Variants in PPL observed in about 807,000 individuals in gnomAD.
PPL encodes 190 kDa paraneoplastic pemphigus antigen.
A neutral mutation model predicts 194.4 loss-of-function variants in PPL; 198 were observed. The ratio of observed to expected loss-of-function variants is 1.02; its 90% CI spans 0.91 to 1.15. The LOEUF (loss-of-function observed/expected upper bound fraction) is 1.15. PPL is among the 50% of genes most tolerant of loss of function. The pLI is 0.00. For missense variants in PPL, 2,885 were observed against 2,294.8 expected (o/e 1.26, Z -5.25); for synonymous variants, 1,220 against 972.4 (o/e 1.25, Z -4.74).
At chr16:4,890,705 G>T in intron 17 of PPL, 23 bp downstream of exon 17, 1 of 1,578,876 alleles carries the variant, frequency 6.3e-7, no homozygotes. Context: ...AACAAAAATG[G>T]CCACCACCCA....
Position 4,884,470 on chromosome 16 carries a change from C to A in PPL, c.4185G>T (p.Arg1395=), listed in dbSNP as rs370519486. The A allele has an allele frequency of 6.9e-6, 11 of 1,602,800 alleles. No individual in the cohort carries two copies. In the East Asian group the frequency reaches 2.5e-4, roughly 36 times the overall value. ...LRAELRRLQR[R]RTELERQLEE... ...CCAGCTGCCGCTCAAGCTCGGTGCG[C>A]CGGCGCTGCAGCCGCCGCAGCTCTG... The change falls in exon 22 of 22, where the codon CGG becomes CGT. Residue 1395 remains arginine (R), a synonymous_variant. Transcript: ENST00000345988. This position sits in a 1 kb window ranked among gnomAD's most constrained non-coding sequence, Gnocchi z 5.7.
chr16:4,893,511 G>A, intron 13 of PPL, 30 bp downstream of exon 13: 1 of 1,609,050 alleles, frequency 6.2e-7, no homozygotes, highest in Non-Finnish European at 8.5e-7. Context: ...GGTACCCCCA[G>A]AGCCTCAGGC....
At position 4,890,659 on chromosome 16, in the gene PPL, G is replaced by C. The variant is rs2088301771; in HGVS notation, c.2162+69C>G. The C allele has an allele frequency of 2.7e-6, 4 of 1,492,172 alleles. No individual in the cohort carries two copies. The South Asian group carries it at 3.8e-5, about 14-fold the overall frequency. 92.4% of individuals were successfully genotyped at this position (1,492,172 alleles called of 1,614,324 possible). A position where few individuals can be genotyped will look rare whatever the true frequency, so the allele number is the denominator to read the frequency against. The stretch of plus-strand genomic sequence containing the variant: ...GCAAAATCTGTGGGACACGGCTAAA[G>C]CATTGCTTAGAGGGAATTAGATCGC... On this transcript the variant is annotated intron_variant, in intron 17 of 21. Transcript: ENST00000345988.
In PPL at chr16:4,885,188, C is replaced by T. The variant is rs142863164; in HGVS notation, c.3467G>A (p.Arg1156Gln). 17 of 1,613,998 alleles carry T rather than the reference C, an allele frequency of 1.1e-5. No individual in the cohort carries two copies. Among genetic ancestry groups the T allele is most frequent in the African/African-American group, 2.7e-5 (2 of 74,920 alleles). Residue 1156 changes from arginine to glutamine, a missense_variant, in exon 22 of 22, where the codon CGA becomes CAA. Arg to Gln is a conservative substitution (Grantham distance 43). Transcript: ENST00000345988. The surrounding 1 kb of genome is among the most constrained non-coding windows in gnomAD (Gnocchi z 6.3). ...ASQREKTELL[R>Q]KIWALEEENA... is the part of the protein sequence containing the mutation. Reference sequence around the variant, plus strand: ...CTCCTCCTCCAAGGCCCATATCTTTCGGAGCAGCTCCGTCTTCTCCCTCTG... The same window carrying T: ...CTCCTCCTCCAAGGCCCATATCTTTTGGAGCAGCTCCGTCTTCTCCCTCTG...
chr16:4,895,646 C>T lies in PPL; in HGVS notation c.1043G>A (p.Gly348Asp), dbSNP rs759848381. Reference protein sequence around the residue: ...KVDSDLNQKYGPDFKDRYQIE... With the variant: ...KVDSDLNQKYDPDFKDRYQIE... The stretch of plus-strand genomic sequence containing the variant: ...CTGGTACCGGTCCTTGAAGTCAGGG[C>T]CATACTTCTGGTTCAGGTCCGAGTC... Residue 348 changes from glycine (G) to aspartate (D), a missense_variant, in exon 10 of 22, where the codon GGC (glycine) becomes GAC (aspartate). Physicochemically the swap from Gly to Asp is moderately conservative, Grantham distance 94. Transcript: ENST00000345988. The T allele has an allele frequency of 1.2e-6, 2 of 1,614,088 alleles. No individual in the cohort carries two copies. The highest frequency in any genetic ancestry group is 4.5e-5 in the East Asian group (2 of 44,884).
chr16:4,885,541 C>G lies in PPL; in HGVS notation c.3114G>C (p.Val1038=). The change falls in exon 22 of 22, where the codon GTG becomes GTC. Residue 1038 remains valine, a synonymous_variant. Transcript: ENST00000345988. The surrounding 1 kb of genome is among the most constrained non-coding windows in gnomAD (Gnocchi z 6.3). Reference sequence around the variant, plus strand: ...GGCTCTTCTCTTCAGCCAGGGCGGCCACACGCTGCTGCAGGAGGAGCACCT... The same window carrying G: ...GGCTCTTCTCTTCAGCCAGGGCGGCGACACGCTGCTGCAGGAGGAGCACCT... ...EAEVLLLQQR[V]AALAEEKSRA... 6.2e-7 allele frequency: 1 copy of G among 1,610,698 alleles called. No homozygotes were observed. Among genetic ancestry groups the G allele is most frequent in the Non-Finnish European group, 8.5e-7 (1 of 1,179,910 alleles).
At chr16:4,930,704 G>T (rs1255560759) in intron 1 of PPL, among the ~76,000 whole-genome samples, 1 of 152,218 alleles carries the variant, frequency 6.6e-6, no homozygotes, top group Non-Finnish European at 1.5e-5. Flanking sequence ...GTTGGGGAAG[G>T]CTTCCCTGAG....
intron 1 of PPL, among the ~76,000 whole-genome samples, chr16:4,934,789 G>T (rs1039352095): frequency 6.6e-6 from 1 of 152,118 alleles, no homozygotes; most frequent in African/African-American, 2.4e-5. Flanking sequence ...TGGGCATCAG[G>T]CAATGTTCAA....
intron 1 of PPL, among the ~76,000 whole-genome samples, chr16:4,925,820 C>T (rs2076657011): frequency 1.3e-5 from 2 of 152,196 alleles, no homozygotes; most frequent in Non-Finnish European, 2.9e-5. Context: ...TATCAATCCA[C>T]ACCCACCCCT....
At chr16:4,892,250 C>T in intron 14 of PPL, 37 bp from the exon 15 acceptor site, 5 of 1,587,372 alleles carry the variant, frequency 3.1e-6, no homozygotes, top group Non-Finnish European at 4.3e-6. Context: ...TGGACACAGC[C>T]AGGCAGCCCC....
chr16:4,914,060 A>T (rs2088870080), intron 1 of PPL, among the ~76,000 whole-genome samples: 1 of 152,044 alleles, frequency 6.6e-6, no homozygotes, highest in Admixed American at 6.5e-5. Context: ...TTCCTGGAGG[A>T]GGTGGTGTCG....
At chr16:4,911,655 C>A (rs2088822980) in intron 1 of PPL, among the ~76,000 whole-genome samples, 1 of 152,194 alleles carries the variant, frequency 6.6e-6, no homozygotes, top group Non-Finnish European at 1.5e-5. Flanking sequence ...CTAGCCCAGC[C>A]TCCCAAGTAG....
At position 4,883,646 on chromosome 16, in the gene PPL, G is replaced by A. The variant is rs752579263; in HGVS notation, c.5009C>T (p.Ser1670Phe). Residue 1670 changes from serine (S) to phenylalanine (F), a missense_variant, in exon 22 of 22, where the codon TCC (serine) becomes TTC (phenylalanine). Ser to Phe is a radical substitution (Grantham distance 155). Coordinates refer to ENST00000345988, the MANE Select transcript of PPL (RefSeq NM_002705.5). This position sits in a 1 kb window ranked among gnomAD's most constrained non-coding sequence, Gnocchi z 4.8. The stretch of plus-strand genomic sequence containing the variant: ...CCCGGCACGGTGGGCTTCCTCCGGG[G>A]ACAGCTCGCGGCCTGTGTCAGGGTG... ...VIHPDTGREL[S>F]PEEAHRAGLI... is the part of the protein sequence containing the mutation. The A allele has an allele frequency of 6.2e-6, 10 of 1,614,216 alleles. No individual in the cohort carries two copies. In the South Asian group the frequency reaches 1.1e-4, roughly 18 times the overall value.
chr16:4,885,380 C>T lies in PPL; in HGVS notation c.3275G>A (p.Ser1092Asn), dbSNP rs766212818. The change falls in exon 22 of 22, where the codon AGC (serine) becomes AAC (asparagine). Residue 1092 changes from serine (S) to asparagine (N), a missense_variant. By Grantham distance (46) the Ser-to-Asn change is conservative. Transcript: ENST00000345988. The surrounding 1 kb of genome is among the most constrained non-coding windows in gnomAD (Gnocchi z 6.3). The part of the protein sequence containing the change: ...QLREKQEEEL[S>N]FLQDKLKRLE... ...CCTCTTGAGCTTGTCCTGGAGGAAG[C>T]TCAGCTCCTCCTCCTGCTTCTCCCT... 4 of 1,612,984 alleles carry T rather than the reference C, an allele frequency of 2.5e-6. No homozygotes were observed. In the South Asian group the frequency reaches 4.4e-5, roughly 18 times the overall value.
chr16:4,885,868 C>A lies in PPL; in HGVS notation c.2787G>T (p.Gln929His), dbSNP rs750167717. 1.2e-6 allele frequency: 2 copies of A among 1,608,792 alleles called. No homozygotes were observed. Among genetic ancestry groups the A allele is most frequent in the Non-Finnish European group, 1.7e-6 (2 of 1,180,012 alleles). The change falls in exon 22 of 22, where the codon CAG becomes CAT. Residue 929 changes from glutamine to histidine, a missense_variant. Transcript: ENST00000345988. This position sits in a 1 kb window ranked among gnomAD's most constrained non-coding sequence, Gnocchi z 6.3. Reference protein sequence around the residue: ...EIWTLRNQGPQESVVRKEVLK... With the variant: ...EIWTLRNQGPHESVVRKEVLK... ...GCACCTCCTTCCTCACCACCGATTC[C>A]TGAGGCCCCTGATTCCTCAAGGTCC...
At chr16:4,894,410 C>G (rs2088378838) in intron 12 of PPL, 57 bp downstream of exon 12, 1 of 1,589,522 alleles carries the variant, frequency 6.3e-7, no homozygotes, top group South Asian at 1.1e-5. Context: ...TGAATGGGGC[C>G]TGAGAAGCCC....
intron 18 of PPL, 134 bp from the exon 19 acceptor site, chr16:4,889,195 G>A: frequency 4.8e-6 from 2 of 420,820 alleles, no homozygotes; most frequent in Non-Finnish European, 8.3e-6. Context: ...TGGCTCCCTT[G>A]TATACATTTT....
chr16:4,925,648 C>T (rs929606453), intron 1 of PPL, among the ~76,000 whole-genome samples: 1 of 152,140 alleles, frequency 6.6e-6, no homozygotes, highest in African/African-American at 2.4e-5. Flanking sequence ...TAATGCAATT[C>T]GGTAACTCTT....
intron 1 of PPL, among the ~76,000 whole-genome samples, chr16:4,922,118 C>T (rs1039842693): frequency 6.6e-6 from 1 of 152,134 alleles, no homozygotes; most frequent in Non-Finnish European, 1.5e-5. Context: ...AGTGGTTAAG[C>T]ACCCAGACCA....
Sources: allele counts gnomAD v4.1 joint callset (sites outside exome capture counted in the v4.1 genomes callset), GRCh38; gene constraint gnomAD v4.1.1; non-coding constraint Gnocchi (gnomAD v3.1); transcripts MANE v1.5; gene names NCBI Gene and HGNC (gene_info 2026-07-23, HGNC 2026-07-21).